The following VPS37A variants were observed in gnomAD, a reference collection of about 807,000 sequenced individuals.
VPS37A encodes the protein vacuolar protein sorting-associated protein 37A.
A neutral mutation model predicts 49.8 loss-of-function variants in VPS37A; 30 were observed. The ratio of observed to expected loss-of-function variants is 0.60; its 90% CI spans 0.45 to 0.82. The LOEUF (loss-of-function observed/expected upper bound fraction) is 0.82, where lower values mean the gene tolerates loss of function less well. VPS37A is among the 40% of genes least tolerant of loss of function. VPS37A has a pLI of 0.00. For missense variants in VPS37A, 593 were observed against 464.4 expected, an observed-to-expected ratio of 1.28 and a Z score of -2.55; for synonymous variants, 195 against 160.6, an observed-to-expected ratio of 1.21 and a Z score of -1.62.
the VPS37A span, among the ~76,000 whole-genome samples, chr8:17,309,737 T>C: frequency 3.3e-5 from 5 of 152,184 alleles, no homozygotes; most frequent in Non-Finnish European, 7.3e-5. Context: ...CCCAGGTCTC[T>C]CCACTTCAAA....
chr8:17,264,575 CTT>C (rs1305939480), intron 1 of VPS37A, among the ~76,000 whole-genome samples: 1 of 152,172 alleles, frequency 6.6e-6, no homozygotes, highest in African/African-American at 2.4e-5. Context: ...CATCCCAACA[CTT>C]TTGAATCTTT....
the VPS37A span, among the ~76,000 whole-genome samples, chr8:17,330,086 G>A: frequency 6.6e-6 from 1 of 152,184 alleles, no homozygotes; most frequent in Non-Finnish European, 1.5e-5. Flanking sequence ...GTTTCATAAT[G>A]ACTGAGATGA....
At chr8:17,275,590 G>A (rs931026842) in intron 5 of VPS37A, among the ~76,000 whole-genome samples, 2 of 152,150 alleles carry the variant, frequency 1.3e-5, no homozygotes, top group African/African-American at 2.4e-5. Context: ...GCTAACATAC[G>A]CTGAGGGCTT....
At chr8:17,277,580 A>C (rs1814635585) in intron 6 of VPS37A, among the ~76,000 whole-genome samples, 2 of 152,034 alleles carry the variant, frequency 1.3e-5, no homozygotes, top group South Asian at 4.1e-4. Flanking sequence ...CCCAGATAAT[A>C]CATCCTTTTT....
At chr8:17,265,846 T>G in intron 1 of VPS37A, 61 bp from the exon 2 acceptor site, 1 of 1,611,230 alleles carries the variant, frequency 6.2e-7, no homozygotes, top group Non-Finnish European at 8.5e-7. Context: ...CACTTAACAT[T>G]GGTTTTTAAC....
the VPS37A span, among the ~76,000 whole-genome samples, chr8:17,315,138 CTGACAA>C: frequency 6.6e-6 from 1 of 152,078 alleles, no homozygotes; most frequent in Non-Finnish European, 1.5e-5. Flanking sequence ...GTAGTATGTC[CTGACAA>C]TGAAATACTG....
chr8:17,293,269 G>T (rs900228157), intron 11 of VPS37A, among the ~76,000 whole-genome samples: 3 of 151,444 alleles, frequency 2.0e-5, no homozygotes, highest in African/African-American at 7.3e-5. Context: ...TATGCTTCAT[G>T]AAGTTCTCGT....
chr8:17,321,706 G>A, the VPS37A span, among the ~76,000 whole-genome samples: 1 of 152,108 alleles, frequency 6.6e-6, no homozygotes, highest in African/African-American at 2.4e-5. Flanking sequence ...AAACCATTTT[G>A]CTGAACAAAG....
intron 11 of VPS37A, among the ~76,000 whole-genome samples, chr8:17,293,534 G>T (rs563841827): frequency 1.3e-5 from 2 of 152,114 alleles, no homozygotes; most frequent in Middle Eastern, 6.8e-3. Flanking sequence ...AGGAGAAGAG[G>T]CTTTCTGGTT....
the VPS37A span, among the ~76,000 whole-genome samples, chr8:17,310,334 G>A: frequency 6.6e-5 from 10 of 152,112 alleles, no homozygotes; most frequent in Non-Finnish European, 1.0e-4. Flanking sequence ...AAGTAATATG[G>A]ATAGTCTCAT....
chr8:17,309,627 T>C, the VPS37A span, among the ~76,000 whole-genome samples: 1 of 152,118 alleles, frequency 6.6e-6, no homozygotes, highest in South Asian at 2.1e-4. Flanking sequence ...TCTCTAACTG[T>C]AGGATAGGTA....
At chr8:17,315,230 A>C in the VPS37A span, among the ~76,000 whole-genome samples, 6 of 152,232 alleles carry the variant, frequency 3.9e-5, no homozygotes, top group African/African-American at 1.4e-4. Context: ...GAAAGAAGCC[A>C]ACTTTTCCTT....
intron 1 of VPS37A, among the ~76,000 whole-genome samples, chr8:17,261,592 T>A (rs1812968709): frequency 6.6e-6 from 1 of 152,192 alleles, no homozygotes; most frequent in Non-Finnish European, 1.5e-5. Flanking sequence ...TCTCTCTGGC[T>A]TGTTTTGGTT....
intron 1 of VPS37A, among the ~76,000 whole-genome samples, chr8:17,263,136 T>G (rs1813117045): frequency 6.6e-6 from 1 of 151,678 alleles, no homozygotes; most frequent in South Asian, 2.1e-4. Context: ...GAGAAAAGAG[T>G]AACTTACAAA....
intron 6 of VPS37A, among the ~76,000 whole-genome samples, chr8:17,277,396 T>C (rs1379897731): frequency 6.6e-6 from 1 of 152,088 alleles, no homozygotes; most frequent in African/African-American, 2.4e-5. Context: ...TAAATAATTG[T>C]TATGAAAACA....
chr8:17,254,685 A>T (rs143221899), intron 1 of VPS37A, among the ~76,000 whole-genome samples: 2 of 150,776 alleles, frequency 1.3e-5, no homozygotes, highest in East Asian at 3.9e-4. Flanking sequence ...TCTGTTTGTC[A>T]GTTTGCTCAA....
At position 17,286,575 on chromosome 8, in the gene VPS37A, T is replaced by C. The variant is rs571397465; in HGVS notation, c.*148T>C. 6.6e-6 allele frequency: 4 copies of C among 608,532 alleles called. No homozygotes were observed. The Admixed American group carries it at 1.0e-4, about 16-fold the overall frequency. 37.7% of individuals were successfully genotyped at this position (608,532 alleles called of 1,614,324 possible). A position where few individuals can be genotyped will look rare whatever the true frequency, so the allele number is the denominator to read the frequency against. On this transcript the variant is annotated intron_variant, in intron 11 of 11. Coordinates refer to ENST00000324849, the MANE Select transcript of VPS37A (RefSeq NM_152415.3). ...ATGTAACATAGAATGCTTTGTATTA[T>C]ATAATAAGCATAATATAAACATATA...
chr8:17,264,204 CA>C (rs1157029549), intron 1 of VPS37A, among the ~76,000 whole-genome samples: 2 of 152,072 alleles, frequency 1.3e-5, no homozygotes, highest in African/African-American at 4.8e-5. Context: ...GATTTGAACC[CA>C]GGAAGCCTGA....
downstream of VPS37A, chr8:17,304,440 C>A (rs752641394): frequency 6.2e-7 from 1 of 1,613,978 alleles, no homozygotes; most frequent in South Asian, 1.1e-5. Context: ...TGGCTGTGAT[C>A]AGCTCTAAAC....
Sources: allele counts gnomAD v4.1 joint callset (sites outside exome capture counted in the v4.1 genomes callset), GRCh38; gene constraint gnomAD v4.1.1; transcripts MANE v1.5; gene names NCBI Gene and HGNC (gene_info 2026-07-23, HGNC 2026-07-21).